Variants in CACNA2D4 observed in about 807,000 individuals in gnomAD.
CACNA2D4 encodes the protein calcium voltage-gated channel auxiliary subunit alpha2delta 4.
In CACNA2D4, 157 loss-of-function variants were observed where a neutral mutation model predicts 163.8. The ratio of observed to expected loss-of-function variants is 0.96; its 90% CI spans 0.84 to 1.09. The LOEUF (loss-of-function observed/expected upper bound fraction) is 1.09, where lower values mean the gene tolerates loss of function less well. CACNA2D4 is among the 50% of genes least tolerant of loss of function. The probability of loss-of-function intolerance (pLI) is 0.00; values close to 1 mark genes in which losing one functional copy is unlikely to be tolerated. For synonymous variants in CACNA2D4, 598 were observed against 586.9 expected (o/e 1.02, Z -0.27); for missense variants, 1,410 against 1,479.9 (o/e 0.95, Z 0.78).
At chr12:1,838,874 G>C (rs1864950152) in intron 26 of CACNA2D4, among the ~76,000 whole-genome samples, 1 of 152,152 alleles carries the variant, frequency 6.6e-6, no homozygotes, top group Non-Finnish European at 1.5e-5. Flanking sequence ...GTCAAAGTTT[G>C]GCCTGGAAAT....
intron 18 of CACNA2D4, among the ~76,000 whole-genome samples, chr12:1,863,813 C>T (rs1865577747): frequency 6.6e-6 from 1 of 151,458 alleles, no homozygotes; most frequent in Non-Finnish European, 1.5e-5. Flanking sequence ...GCAGACACAT[C>T]AGTAGATAAT....
Position 1,844,312 on chromosome 12 carries a change from G to A in CACNA2D4, c.2470+90C>T, listed in dbSNP as rs78771292. Reference sequence around the variant, plus strand: ...GTCTGGACATTCTATTCCATATCTCGTTCCCATTTCCCACTAAGAGCACAG... The same window carrying A: ...GTCTGGACATTCTATTCCATATCTCATTCCCATTTCCCACTAAGAGCACAG... On this transcript the variant is annotated intron_variant, in intron 25 of 37. Transcript: ENST00000382722. The surrounding 1 kb of genome is among the most constrained non-coding windows in gnomAD (Gnocchi z 4.2). The A allele has an allele frequency of 6.9e-4, 1,009 of 1,452,948 alleles. 5 individuals are homozygous for A. In the African/African-American group the frequency reaches 0.012, roughly 17 times the overall value. The allele number at this position is 1,452,948 out of a possible 1,614,324, so 90.0% of individuals were successfully genotyped here.
intron 32 of CACNA2D4, 157 bp downstream of exon 32, chr12:1,800,229 A>G: frequency 2.1e-6 from 2 of 942,330 alleles, no homozygotes; most frequent in Non-Finnish European, 3.3e-6. Context: ...CATGCAGGGA[A>G]GAGGTGGCGT....
At position 1,806,557 on chromosome 12, in the gene CACNA2D4, G is replaced by C. The variant is rs1057404586; in HGVS notation, c.2721+3721C>G. On this transcript the variant is annotated intron_variant, in intron 29 of 37. Transcript: ENST00000382722. This position sits in a 1 kb window ranked among gnomAD's most constrained non-coding sequence, Gnocchi z 4.1. Reference sequence around the variant, plus strand: ...AACAGGCTTCTCTCTCCAGGCCCCTGGGTAAGCCCTAGCAGGGACAAGGAG... The same window carrying C: ...AACAGGCTTCTCTCTCCAGGCCCCTCGGTAAGCCCTAGCAGGGACAAGGAG... Among the ~76,000 whole-genome samples the C allele has an allele frequency of 1.3e-5, 2 of 152,212 alleles. No homozygotes were observed. The highest frequency in any genetic ancestry group is 4.8e-5 in the African/African-American group (2 of 41,434).
intron 32 of CACNA2D4, 145 bp downstream of exon 32, chr12:1,800,241 C>A: frequency 1.0e-6 from 1 of 988,536 alleles, no homozygotes. Flanking sequence ...AGGTGGCGTC[C>A]ATGCCCAGGG....
At chr12:1,902,196 A>G (rs147330089) in intron 6 of CACNA2D4, among the ~76,000 whole-genome samples, 37 of 152,212 alleles carry the variant, frequency 2.4e-4, no homozygotes, top group African/African-American at 8.2e-4. Flanking sequence ...AAAACTGGGT[A>G]TACAAGGAAC....
chr12:1,843,975 G>A lies in CACNA2D4; in HGVS notation c.2470+427C>T, dbSNP rs1865087311. Reference sequence around the variant, plus strand: ...GGGTTGCTTTCTTTCTGTTTGGGAAGAGCAGGGCAGCCCCACTGACTTAGT... The same window carrying A: ...GGGTTGCTTTCTTTCTGTTTGGGAAAAGCAGGGCAGCCCCACTGACTTAGT... On this transcript the variant is annotated intron_variant, in intron 25 of 37. Transcript: ENST00000382722. This position sits in a 1 kb window ranked among gnomAD's most constrained non-coding sequence, Gnocchi z 4.6. Among the ~76,000 whole-genome samples, 1 of 152,182 alleles carries A rather than the reference G, an allele frequency of 6.6e-6. No homozygotes were observed. The highest frequency in any genetic ancestry group is 2.4e-5 in the African/African-American group (1 of 41,432).
chr12:1,848,421 C>T (rs1427038528), intron 23 of CACNA2D4, among the ~76,000 whole-genome samples: 1 of 152,188 alleles, frequency 6.6e-6, no homozygotes, highest in Non-Finnish European at 1.5e-5. Context: ...CAGGGCCTGA[C>T]CGGGTTCCGG....
rs542258320 is a variant in CACNA2D4, at chr12:1,874,365, C to T, written c.1878+239G>A. ...TGTAAATGCCTTGGCCAGCTTTCTC[C>T]CCAGCTCAGCGGTCTCCCAAAAGCC... On this transcript the variant is annotated intron_variant, in intron 18 of 37. Transcript: ENST00000382722. The surrounding 1 kb of genome is among the most constrained non-coding windows in gnomAD (Gnocchi z 4.4). 3.9e-5 allele frequency among the ~76,000 whole-genome samples: 6 copies of T among 152,308 alleles called. No individual in the cohort carries two copies. The highest frequency in any genetic ancestry group is 1.4e-4 in the African/African-American group (6 of 41,566).
rs558212775 is a variant in CACNA2D4, at chr12:1,869,976, G to A, written c.1878+4628C>T. On this transcript the variant is annotated intron_variant, in intron 18 of 37. Coordinates refer to ENST00000382722, the MANE Select transcript of CACNA2D4 (RefSeq NM_172364.5). The surrounding 1 kb of genome is among the most constrained non-coding windows in gnomAD (Gnocchi z 4.7). ...GAAGGTGTTTTTGTATTAAGCAGTA[G>A]TTAAATGATGGGTTGATAAGAACTG... Among the ~76,000 whole-genome samples the A allele has an allele frequency of 3.3e-5, 5 of 152,336 alleles. No homozygotes were observed.
intron 13 of CACNA2D4, among the ~76,000 whole-genome samples, chr12:1,880,445 A>AG (rs1865970122): frequency 6.6e-6 from 1 of 152,242 alleles, no homozygotes; most frequent in Non-Finnish European, 1.5e-5. Flanking sequence ...CATGGACTCC[A>AG]CTCACAGCAC....
intron 36 of CACNA2D4, 102 bp downstream of exon 36, chr12:1,795,566 G>C: frequency 1.3e-6 from 1 of 760,400 alleles, no homozygotes; most frequent in Non-Finnish European, 2.2e-6. Flanking sequence ...GGAGGACACG[G>C]GCGGTGAAGG....
At chr12:1,831,112 C>T in intron 26 of CACNA2D4, 5 of 1,613,976 alleles carry the variant, frequency 3.1e-6, no homozygotes, top group South Asian at 1.1e-5. Flanking sequence ...AAGCTGAGTG[C>T]CCTGCCAAGC....
chr12:1,839,172 C>T (rs115771144), intron 26 of CACNA2D4, among the ~76,000 whole-genome samples: 2,051 of 152,328 alleles, frequency 0.013, 38 homozygotes, highest in African/African-American at 0.047. Flanking sequence ...CTGTCTGCTC[C>T]GTCCCCATCC....
Position 1,874,690 on chromosome 12 carries a change from A to G in CACNA2D4, c.1807-15T>C. 6.3e-7 allele frequency: 1 copy of G among 1,590,156 alleles called. No homozygotes were observed. The highest frequency in any genetic ancestry group is 8.6e-7 in the Non-Finnish European group (1 of 1,158,418). ...GCTGTTCTCAGCTTCAGGAGGAAAG[A>G]CAATGGCATTAGTTCCTTGGCTCAC... On this transcript the variant is annotated splice_polypyrimidine_tract_variant and intron_variant, in intron 17 of 37. Coordinates refer to ENST00000382722, the MANE Select transcript of CACNA2D4 (RefSeq NM_172364.5). The surrounding 1 kb of genome is among the most constrained non-coding windows in gnomAD (Gnocchi z 4.4).
chr12:1,908,383 C>T (rs879817545), intron 4 of CACNA2D4, among the ~76,000 whole-genome samples: 1 of 152,188 alleles, frequency 6.6e-6, no homozygotes, highest in Non-Finnish European at 1.5e-5. Flanking sequence ...CCCCATCAGC[C>T]CCCTCCACTT....
intron 24 of CACNA2D4, among the ~76,000 whole-genome samples, chr12:1,846,063 C>A (rs933572481): frequency 1.3e-5 from 2 of 152,178 alleles, no homozygotes; most frequent in Non-Finnish European, 2.9e-5. Context: ...TCTCCCACAC[C>A]AAGGTGGGAG....
Position 1,883,785 on chromosome 12 carries a change from C to G in CACNA2D4, c.1351+458G>C, listed in dbSNP as rs972054459. Reference sequence around the variant, plus strand: ...CGTGGGTGGTGTTTTACTTGTATGTCTCCCTGCTGGACAATACTGAGAGGT... The same window carrying G: ...CGTGGGTGGTGTTTTACTTGTATGTGTCCCTGCTGGACAATACTGAGAGGT... On this transcript the variant is annotated intron_variant, in intron 12 of 37. Transcript: ENST00000382722. The surrounding 1 kb of genome is among the most constrained non-coding windows in gnomAD (Gnocchi z 4.5). Among the ~76,000 whole-genome samples the G allele has an allele frequency of 6.6e-5, 10 of 152,182 alleles. No individual in the cohort carries two copies. The highest frequency in any genetic ancestry group is 1.3e-4 in the Admixed American group (2 of 15,282).
At chr12:1,821,153 G>A (rs745983570) in intron 26 of CACNA2D4, among the ~76,000 whole-genome samples, 3 of 152,218 alleles carry the variant, frequency 2.0e-5, no homozygotes, top group Non-Finnish European at 4.4e-5. Context: ...CAAGAGCCTT[G>A]TGCTGTCGTT....
Sources: gnomAD v4.1 joint callset for allele counts (sites outside exome capture counted in the v4.1 genomes callset) on GRCh38, gnomAD v4.1.1 for gene constraint, Gnocchi (gnomAD v3.1) non-coding constraint, MANE v1.5 for transcripts, NCBI Gene and HGNC (gene_info 2026-07-23, HGNC 2026-07-21) for gene names.